The following NRK variants were observed in gnomAD, a reference collection of about 807,000 sequenced individuals.
NRK encodes the protein nik-related protein kinase.
In NRK, 67 loss-of-function variants were observed where a neutral mutation model predicts 125.2. The ratio of observed to expected loss-of-function variants is 0.54; its 90% CI spans 0.44 to 0.66. The LOEUF (loss-of-function observed/expected upper bound fraction) is 0.66, where lower values mean the gene tolerates loss of function less well. NRK is among the 30% of genes least tolerant of loss of function. NRK has a pLI of 0.00. For missense variants in NRK, 1,224 were observed against 1,192.9 expected (o/e 1.03, Z -0.38); for synonymous variants, 458 against 429.0 (o/e 1.07, Z -0.84).
chrX:105,923,064 C>T lies in NRK; in HGVS notation c.2611-54C>T. ...GTTGTCAGCTTGGAAACTTTCCAAT[C>T]TAGAAGAAAATGAAAGCTACTAGAG... On this transcript the variant is annotated intron_variant, in intron 17 of 28. Coordinates refer to ENST00000243300, the MANE Select transcript of NRK (RefSeq NM_198465.4). The T allele has an allele frequency of 2.8e-6, 3 of 1,071,337 alleles. No individual in the cohort carries two copies. In the East Asian group the frequency reaches 9.1e-5, roughly 33 times the overall value. The allele number at this position is 1,071,337 out of a possible 1,213,427, so 88.3% of individuals were successfully genotyped here.
chrX:105,842,527 G>A (rs1284964056), intron 2 of NRK, among the ~76,000 whole-genome samples: 1 of 111,955 alleles, frequency 8.9e-6, no homozygotes, highest in Non-Finnish European at 1.9e-5. Flanking sequence ...TACATGATTG[G>A]TTTCTGATTG....
chrX:105,866,014 C>CAAAAA (rs113129723), intron 2 of NRK, among the ~76,000 whole-genome samples: 12 of 75,981 alleles, frequency 1.6e-4, no homozygotes, highest in African/African-American at 5.5e-4. Flanking sequence ...CAAAACAAAG[C>CAAAAA]AAAAAAAAAA....
intron 6 of NRK, 172 bp from the exon 7 acceptor site, chrX:105,895,261 G>A (rs759327252): frequency 9.4e-6 from 5 of 534,626 alleles, no homozygotes; most frequent in East Asian, 6.9e-5. Context: ...TTCTGGGAAC[G>A]GGTTGTAGTG....
At chrX:105,898,739 G>A (rs977798582) in intron 8 of NRK, 25 bp downstream of exon 8, 4 of 1,097,894 alleles carry the variant, frequency 3.6e-6, no homozygotes, top group Admixed American at 3.2e-5. Context: ...TCAGCCAGTG[G>A]AAATTACAAT....
intron 2 of NRK, among the ~76,000 whole-genome samples, chrX:105,845,493 G>C (rs1465814008): frequency 8.9e-6 from 1 of 111,781 alleles, no homozygotes; most frequent in Non-Finnish European, 1.9e-5. Context: ...ATCTGATTTT[G>C]ATGAAGAACA....
chrX:105,898,836 A>T, intron 8 of NRK, 122 bp downstream of exon 8: 3 of 501,825 alleles, frequency 6.0e-6, no homozygotes, highest in Non-Finnish European at 6.1e-6. Flanking sequence ...ATTAAATGCT[A>T]GTAGGAAATA....
chrX:105,824,994 C>T (rs2039074855), intron 1 of NRK, among the ~76,000 whole-genome samples: 1 of 111,576 alleles, frequency 9.0e-6, no homozygotes. Context: ...GCATAATTCT[C>T]CCCTGTCCTC....
intron 9 of NRK, among the ~76,000 whole-genome samples, chrX:105,904,052 G>A (rs1288764702): frequency 8.9e-6 from 1 of 111,831 alleles, no homozygotes; most frequent in Non-Finnish European, 1.9e-5. Flanking sequence ...AAATCACTCT[G>A]TGGAGTTTTT....
At chrX:105,953,588 T>G (rs951059968) in intron 28 of NRK, among the ~76,000 whole-genome samples, 1 of 112,024 alleles carries the variant, frequency 8.9e-6, no homozygotes, top group Non-Finnish European at 1.9e-5. Context: ...AATGTACTTA[T>G]GTTTACTGAG....
At chrX:105,869,598 A>G (rs1310125088) in intron 2 of NRK, among the ~76,000 whole-genome samples, 3 of 111,733 alleles carry the variant, frequency 2.7e-5, no homozygotes, top group Non-Finnish European at 5.6e-5. Flanking sequence ...AATTCAGTTT[A>G]TAAAGACTTT....
At chrX:105,873,572 C>T (rs1311071727) in intron 2 of NRK, among the ~76,000 whole-genome samples, 1 of 111,933 alleles carries the variant, frequency 8.9e-6, no homozygotes, top group Non-Finnish European at 1.9e-5. Context: ...AAATTTTACA[C>T]TGAAATTTCT....
chrX:105,894,077 G>A, intron 6 of NRK, 135 bp downstream of exon 6: 1 of 394,807 alleles, frequency 2.5e-6, no homozygotes, highest in Non-Finnish European at 4.2e-6. Context: ...TATCTGAAAA[G>A]GCCAAAAAGC....
Position 105,880,221 on chromosome X carries a change from C to T in NRK, c.146C>T (p.Ala49Val). 9.2e-7 allele frequency: 1 copy of T among 1,088,697 alleles called. No individual in the cohort carries two copies. Among genetic ancestry groups the T allele is most frequent in the Non-Finnish European group, 1.2e-6 (1 of 813,796 alleles). 89.7% of individuals were successfully genotyped at this position (1,088,697 alleles called of 1,213,427 possible). ...CAGGGACTTCATGAGAAGACTGGTG[C>T]ATTTACAGCTGTTAAAGTGATGAAC... ...IYLGLHEKTG[A>V]FTAVKVMNAR... Residue 49 changes from alanine (A) to valine (V), a missense_variant, in exon 3 of 29, where the codon GCA becomes GTA. Physicochemically the swap from Ala to Val is moderately conservative, Grantham distance 64 (BLOSUM62 0). Transcript: ENST00000243300.
chrX:105,863,406 T>C (rs187274005), intron 2 of NRK, among the ~76,000 whole-genome samples: 142 of 110,838 alleles, frequency 1.3e-3, no homozygotes, highest in Non-Finnish European at 2.5e-3. Flanking sequence ...TTCCCATGTG[T>C]TATTTTAATT....
intron 1 of NRK, among the ~76,000 whole-genome samples, chrX:105,824,417 A>T (rs1312255982): frequency 9.0e-6 from 1 of 110,569 alleles, no homozygotes; most frequent in African/African-American, 3.3e-5. Context: ...CCCTTCCTCC[A>T]ACATTCTCTG....
At chrX:105,901,642 G>A (rs1207846679) in intron 9 of NRK, among the ~76,000 whole-genome samples, 1 of 111,178 alleles carries the variant, frequency 9.0e-6, no homozygotes, top group African/African-American at 3.3e-5. Context: ...TAGAAATAAT[G>A]GTAACATAAT....
At chrX:105,832,382 A>T (rs955311610) in intron 2 of NRK, among the ~76,000 whole-genome samples, 1 of 111,308 alleles carries the variant, frequency 9.0e-6, no homozygotes, top group Non-Finnish European at 1.9e-5. Context: ...TATCACACTG[A>T]TCAGGTACCT....
At chrX:105,919,429 G>A (rs1292269248) in intron 16 of NRK, among the ~76,000 whole-genome samples, 1 of 111,566 alleles carries the variant, frequency 9.0e-6, no homozygotes, top group East Asian at 2.8e-4. Flanking sequence ...GCTGTTCAAT[G>A]TGGTAGCAAC....
chrX:105,875,619 GCCC>G (rs1602630192), intron 2 of NRK, among the ~76,000 whole-genome samples: 1 of 110,336 alleles, frequency 9.1e-6, no homozygotes, highest in African/African-American at 3.3e-5. Context: ...TTGACCTATT[GCCC>G]CCCAAATCAA....
Sources: allele counts gnomAD v4.1 joint callset (sites outside exome capture counted in the v4.1 genomes callset), GRCh38; gene constraint gnomAD v4.1.1; transcripts MANE v1.5; gene names NCBI Gene and HGNC (gene_info 2026-07-23, HGNC 2026-07-21).